GMDS: variants seen among roughly 807,000 people sequenced by gnomAD.
GMDS encodes GDP-mannose 4,6-dehydratase, also known as GDP-mannose 4,6 dehydratase.
A neutral mutation model predicts 49.9 loss-of-function variants in GMDS; 20 were observed. That is an observed-to-expected ratio of 0.40 (90% CI 0.28 to 0.58). The LOEUF is 0.58. Ranked by LOEUF, GMDS falls within the 20% of genes least tolerant of loss-of-function variation. The pLI, the probability that GMDS is intolerant of heterozygous loss-of-function variation, is 0.42. For synonymous variants in GMDS, 177 were observed against 178.6 expected (o/e 0.99, Z 0.07); for missense variants, 362 against 481.4 (o/e 0.75, Z 2.32).
intron 1 of GMDS, among the ~76,000 whole-genome samples, chr6:2,143,541 T>C (rs1030870074): frequency 1.5e-4 from 23 of 152,228 alleles, no homozygotes; most frequent in Non-Finnish European, 2.9e-5. Flanking sequence ...TAAAGTAATT[T>C]TTTTTAAAAG....
At chr6:1,904,509 T>C (rs1760658014) in intron 7 of GMDS, among the ~76,000 whole-genome samples, 1 of 152,184 alleles carries the variant, frequency 6.6e-6, no homozygotes, top group Non-Finnish European at 1.5e-5. Context: ...GCAAAGTTAC[T>C]CCATTAAGCA....
At chr6:2,067,611 C>T (rs1483480816) in intron 4 of GMDS, among the ~76,000 whole-genome samples, 3 of 151,998 alleles carry the variant, frequency 2.0e-5, no homozygotes, top group Non-Finnish European at 4.4e-5. Context: ...GAAATACAAA[C>T]TACCATCAGA....
intron 7 of GMDS, among the ~76,000 whole-genome samples, chr6:1,854,571 C>A (rs1331094717): frequency 1.3e-5 from 2 of 152,190 alleles, no homozygotes; most frequent in Non-Finnish European, 2.9e-5. Flanking sequence ...GTGCTTCTAG[C>A]AGGCAGAGCT....
chr6:1,689,310 A>G (rs1000080492), intron 9 of GMDS, among the ~76,000 whole-genome samples: 3 of 152,208 alleles, frequency 2.0e-5, no homozygotes, highest in Non-Finnish European at 2.9e-5. Context: ...AAGAGAGCCC[A>G]TAAAATTACC....
At chr6:2,228,199 A>G (rs984003028) in intron 1 of GMDS, among the ~76,000 whole-genome samples, 12 of 152,182 alleles carry the variant, frequency 7.9e-5, no homozygotes, top group African/African-American at 2.9e-4. Context: ...GTCACTCAGG[A>G]TTAAACGTTT....
chr6:1,813,908 G>C (rs1394321808), intron 7 of GMDS, among the ~76,000 whole-genome samples: 1 of 152,024 alleles, frequency 6.6e-6, no homozygotes, highest in Non-Finnish European at 1.5e-5. Flanking sequence ...AGTAATATTC[G>C]GGCTTATATA....
chr6:1,987,737 A>G (rs569804704), intron 4 of GMDS, among the ~76,000 whole-genome samples: 9 of 152,234 alleles, frequency 5.9e-5, no homozygotes, highest in Non-Finnish European at 1.2e-4. Context: ...GAAACATAAA[A>G]ATGGAAATGT....
chr6:2,146,421 G>A (rs1776563330), intron 1 of GMDS, among the ~76,000 whole-genome samples: 1 of 152,142 alleles, frequency 6.6e-6, no homozygotes, highest in African/African-American at 2.4e-5. Context: ...CTGAAGAATG[G>A]TAAAAATGGG....
chr6:1,903,202 GA>G (rs1328337640), intron 7 of GMDS, among the ~76,000 whole-genome samples: 1 of 152,092 alleles, frequency 6.6e-6, no homozygotes, highest in African/African-American at 2.4e-5. Flanking sequence ...CCCAACTTCA[GA>G]ATCAAATTTC....
chr6:1,676,591 A>G (rs1764633798), intron 9 of GMDS, among the ~76,000 whole-genome samples: 1 of 152,214 alleles, frequency 6.6e-6, no homozygotes, highest in Non-Finnish European at 1.5e-5. Flanking sequence ...AGAGATATAG[A>G]CCAATGGAAC....
chr6:2,127,676 C>A lies in GMDS; in HGVS notation c.103-2945G>T, dbSNP rs532351498. ...CACAATGAGTGGGAAACGAGCCGAG[C>A]GAGGGCTCCTGGTCCCCAGCCCAGG... On this transcript the variant is annotated intron_variant, in intron 1 of 10. Coordinates refer to ENST00000380815, the MANE Select transcript of GMDS (RefSeq NM_001500.4). Among the ~76,000 whole-genome samples the A allele has an allele frequency of 4.6e-5, 7 of 152,328 alleles. No homozygotes were observed. The East Asian group carries it at 9.7e-4, about 21-fold the overall frequency.
intron 7 of GMDS, among the ~76,000 whole-genome samples, chr6:1,883,376 C>T (rs1323494620): frequency 2.0e-5 from 3 of 151,622 alleles, no homozygotes; most frequent in Admixed American, 6.6e-5. Flanking sequence ...AATGACAAAG[C>T]GAGACTCCAT....
chr6:2,213,764 C>A (rs867490868), intron 1 of GMDS, among the ~76,000 whole-genome samples: 1 of 152,026 alleles, frequency 6.6e-6, no homozygotes, highest in South Asian at 2.1e-4. Flanking sequence ...AGGACGAAGG[C>A]TAGAATTCAA....
At chr6:2,167,366 C>T (rs1485511592) in intron 1 of GMDS, among the ~76,000 whole-genome samples, 1 of 152,120 alleles carries the variant, frequency 6.6e-6, no homozygotes, top group Non-Finnish European at 1.5e-5. Flanking sequence ...TCATCTAGCT[C>T]CTCATCATCC....
chr6:2,061,191 C>G lies in GMDS; in HGVS notation c.345+54580G>C, dbSNP rs141574637. Among the ~76,000 whole-genome samples, 6 of 152,140 alleles carry G rather than the reference C, an allele frequency of 3.9e-5. No homozygotes were observed. The East Asian group carries it at 1.2e-3, about 29-fold the overall frequency. On this transcript the variant is annotated intron_variant, in intron 4 of 10. Transcript: ENST00000380815. Reference sequence around the variant, plus strand: ...GGTCATAGAGGAAAAGGACGGGAAACGAAGGTGGAACCAGACCCTGGAAAC... The same window carrying G: ...GGTCATAGAGGAAAAGGACGGGAAAGGAAGGTGGAACCAGACCCTGGAAAC...
In GMDS at chr6:2,245,313, G is replaced by A. The variant is rs746761476; in HGVS notation, c.102+8C>T. 6.6e-7 allele frequency: 1 copy of A among 1,524,008 alleles called. No individual in the cohort carries two copies. The highest frequency in any genetic ancestry group is 1.2e-5 in the South Asian group (1 of 83,978). 94.4% of individuals were successfully genotyped at this position (1,524,008 alleles called of 1,614,324 possible). A position where few individuals can be genotyped will look rare whatever the true frequency, so the allele number is the denominator to read the frequency against. Reference sequence around the variant, plus strand: ...CCTCGGCCGGCGCGCCCCCGCCCCCGCACTCACCTGGCCTGTGATACCGGT... The same window carrying A: ...CCTCGGCCGGCGCGCCCCCGCCCCCACACTCACCTGGCCTGTGATACCGGT... On this transcript the variant is annotated splice_region_variant and intron_variant, in intron 1 of 10. Coordinates refer to ENST00000380815, the MANE Select transcript of GMDS (RefSeq NM_001500.4).
chr6:1,932,197 T>G (rs1762317782), intron 6 of GMDS, among the ~76,000 whole-genome samples: 1 of 152,152 alleles, frequency 6.6e-6, no homozygotes, highest in Admixed American at 6.5e-5. Context: ...GAAGGGCCTT[T>G]CTCTTCCAAC....
intron 7 of GMDS, among the ~76,000 whole-genome samples, chr6:1,747,230 T>A (rs3800034): frequency 6.6e-6 from 1 of 151,786 alleles, no homozygotes; most frequent in East Asian, 1.9e-4. Context: ...GCATGCCTTC[T>A]GTGGTGGGAT....
intron 4 of GMDS, among the ~76,000 whole-genome samples, chr6:1,964,188 G>A (rs1209472206): frequency 3.3e-5 from 5 of 152,192 alleles, no homozygotes; most frequent in Non-Finnish European, 7.3e-5. Context: ...CTGACATCAA[G>A]TGTCTGTACT....
Sources: gnomAD v4.1 joint callset for allele counts (sites outside exome capture counted in the v4.1 genomes callset) on GRCh38, gnomAD v4.1.1 for gene constraint, MANE v1.5 for transcripts, NCBI Gene and HGNC (gene_info 2026-07-23, HGNC 2026-07-21) for gene names.